The following TOP2A variants were observed in gnomAD, a reference collection of about 807,000 sequenced individuals.
The protein encoded by TOP2A is DNA topoisomerase 2-alpha.
Under a neutral mutation model 187.2 loss-of-function variants are expected in TOP2A, and 68 were observed. The observed-to-expected ratio is 0.36, with a 90% CI of 0.30 to 0.44. The LOEUF (loss-of-function observed/expected upper bound fraction) is 0.44, where lower values mean the gene tolerates loss of function less well. Among genes scored for constraint, TOP2A ranks in the 20% least tolerant of loss-of-function variants. The probability of loss-of-function intolerance (pLI) is 1.00; values close to 1 mark genes in which losing one functional copy is unlikely to be tolerated. For missense variants in TOP2A, 1,196 were observed against 1,808.7 expected (o/e 0.66, Z 6.14); for synonymous variants, 542 against 593.2 (o/e 0.91, Z 1.25).
intron 3 of TOP2A, 49 bp downstream of exon 3, chr17:40,416,373 C>T (rs1403296328): frequency 1.7e-6 from 2 of 1,210,502 alleles, no homozygotes; most frequent in East Asian, 2.5e-5. Flanking sequence ...TGGAATGATA[C>T]TTCTTATGAA....
Position 40,392,352 on chromosome 17 carries a change from A to C in TOP2A, c.3965-11T>G. 3.2e-6 allele frequency: 5 copies of C among 1,574,812 alleles called. No homozygotes were observed. The South Asian group carries it at 4.6e-5, about 15-fold the overall frequency. ...TGAATTTTGTTTTTGCTAGTAAAAA[A>C]ACCATATACAAAAAAATCAAAGAGG... is the stretch of plus-strand genomic sequence containing the variant. On this transcript the variant is annotated splice_polypyrimidine_tract_variant and intron_variant, in intron 30 of 34. Transcript: ENST00000423485.
In TOP2A at chr17:40,411,353, C is replaced by T. The variant is rs954094777; in HGVS notation, c.1065+1G>A. ...AAAAGAAAACTGCCAAAAGCACATA[C>T]CTGATGTGCTTTTACTGCAACACCA... On this transcript the variant is annotated splice_donor_variant, in intron 9 of 34. Coordinates refer to ENST00000423485, the MANE Select transcript of TOP2A (RefSeq NM_001067.4). LOFTEE classifies it high-confidence loss of function. This position sits in a 1 kb window ranked among gnomAD's most constrained non-coding sequence, Gnocchi z 4.4. The T allele has an allele frequency of 6.2e-7, 1 of 1,611,468 alleles. No individual in the cohort carries two copies. Among genetic ancestry groups the T allele is most frequent in the Non-Finnish European group, 8.5e-7 (1 of 1,177,800 alleles).
At chr17:40,395,795 C>T (rs975795334) in intron 28 of TOP2A, among the ~76,000 whole-genome samples, 2 of 151,424 alleles carry the variant, frequency 1.3e-5, no homozygotes, top group African/African-American at 2.4e-5. Flanking sequence ...GGCTGAGGCA[C>T]GAGAATCGCT....
chr17:40,413,355 A>C (rs1427309361), intron 5 of TOP2A, 63 bp from the exon 6 acceptor site: 3 of 1,438,264 alleles, frequency 2.1e-6, no homozygotes, highest in Non-Finnish European at 9.5e-7. Context: ...TTTATTTCTT[A>C]ATCACTGGCA....
chr17:40,409,558 A>G (rs1470718714), intron 10 of TOP2A: 1 of 407,148 alleles, frequency 2.5e-6, no homozygotes, highest in South Asian at 1.8e-5. Context: ...CAGGAGTTCA[A>G]GACCAGCCTG....
chr17:40,402,694 C>T (rs1035199929), intron 20 of TOP2A, among the ~76,000 whole-genome samples: 1 of 152,178 alleles, frequency 6.6e-6, no homozygotes, highest in Non-Finnish European at 1.5e-5. Flanking sequence ...GTCCCAAGCT[C>T]TACATCAGGA....
In TOP2A at chr17:40,406,372, A is replaced by G; in HGVS notation, c.1953+12T>C. 1 of 1,598,244 alleles carries G rather than the reference A, an allele frequency of 6.3e-7. No individual in the cohort carries two copies. Among genetic ancestry groups the G allele is most frequent in the Non-Finnish European group, 8.6e-7 (1 of 1,169,270 alleles). The stretch of plus-strand genomic sequence containing the variant: ...AAAATTAGAATGTATATAAAATACA[A>G]CTCAAACCTACCAGGCTGATAGCAG... On this transcript the variant is annotated intron_variant, in intron 16 of 34. Transcript: ENST00000423485.
Position 40,389,627 on chromosome 17 carries a change from A to C in TOP2A, c.4488T>G (p.Asp1496Glu), listed in dbSNP as rs375995857. The change falls in exon 35 of 35, where the codon GAT becomes GAG. Residue 1496 changes from aspartate to glutamate, a missense_variant. This residue lies in a region of TOP2A where 374 missense variants were observed against 403.3 expected (regional missense o/e 0.93). Coordinates refer to ENST00000423485, the MANE Select transcript of TOP2A (RefSeq NM_001067.4). ...CTGAGTCAAAGTCCATATGGAAGTC[A>C]TCACTCTCCCCCTTGGATTTCTAAA... is the stretch of plus-strand genomic sequence containing the variant. ...VTSKKSKGES[D>E]DFHMDFDSAV... The C allele has an allele frequency of 7.2e-5, 116 of 1,610,174 alleles. No individual in the cohort carries two copies. Among genetic ancestry groups the C allele is most frequent in the African/African-American group, 1.1e-4 (8 of 74,904 alleles).
At chr17:40,393,266 G>A (rs1681411120) in intron 29 of TOP2A, among the ~76,000 whole-genome samples, 1 of 152,052 alleles carries the variant, frequency 6.6e-6, no homozygotes, top group Non-Finnish European at 1.5e-5. Context: ...GGTCGAGGCT[G>A]CAGTGGGCTG....
Position 40,411,393 on chromosome 17 carries a change from C to T in TOP2A, c.1026G>A (p.Lys342=), listed in dbSNP as rs1452027930. The change falls in exon 9 of 35, where the codon AAG becomes AAA. Residue 342 remains lysine (K), a synonymous_variant. Transcript: ENST00000423485. This position sits in a 1 kb window ranked among gnomAD's most constrained non-coding sequence, Gnocchi z 4.4. ...QIVTKLVDVV[K]KKNKGGVAVK... is the part of the protein sequence containing the mutation. ...CTGCAACACCACCCTTGTTCTTCTT[C>T]TTCACAACATCAACAAGTTTAGTCA... 2 of 1,613,724 alleles carry T rather than the reference C, an allele frequency of 1.2e-6. No homozygotes were observed. Among genetic ancestry groups the T allele is most frequent in the African/African-American group, 2.7e-5 (2 of 74,910 alleles).
In TOP2A at chr17:40,399,888, A is replaced by G. The variant is rs1164303121; in HGVS notation, c.3180T>C (p.Asp1060=). 1 of 1,597,502 alleles carries G rather than the reference A, an allele frequency of 6.3e-7. No individual in the cohort carries two copies. ...NQARFILEKI[D]GKIIIENKPK... ...AAAACATACCAATGATTATTTTGCC[A>G]TCTATTTTCTCTAAGATAAAGCGAG... The change falls in exon 24 of 35, where the codon GAT becomes GAC. Residue 1060 remains aspartate, a synonymous_variant. Transcript: ENST00000423485.
At chr17:40,412,245 G>T (rs2035330181) in intron 7 of TOP2A, among the ~76,000 whole-genome samples, 1 of 152,174 alleles carries the variant, frequency 6.6e-6, no homozygotes, top group Admixed American at 6.5e-5. Flanking sequence ...TTTATTTTAG[G>T]TGTTTCTTTG....
Position 40,416,767 on chromosome 17 carries a change from G to A in TOP2A, c.150C>T (p.Tyr50=). ...GGGTCACTAATTCCACAGAACCAAT[G>A]TAGGTGTCTGGGCGGAGCAAAATAT... ...LEHILLRPDT[Y]IGSVELVTQQ... Residue 50 remains tyrosine (Y), a synonymous_variant, in exon 2 of 35, where the codon TAC becomes TAT. Coordinates refer to ENST00000423485, the MANE Select transcript of TOP2A (RefSeq NM_001067.4). 1 of 1,612,370 alleles carries A rather than the reference G, an allele frequency of 6.2e-7. No homozygotes were observed. The highest frequency in any genetic ancestry group is 8.5e-7 in the Non-Finnish European group (1 of 1,179,482).
Position 40,392,064 on chromosome 17 carries a change from A to G in TOP2A, c.4132+4T>C, listed in dbSNP as rs776266462. ...TGTCTCACTACTTTTACTTAAATAC[A>G]TACCTGACACGACACTTTTCTGTGG... On this transcript the variant is annotated splice_donor_region_variant and intron_variant, in intron 32 of 34. Transcript: ENST00000423485. 47 of 1,611,608 alleles carry G rather than the reference A, an allele frequency of 2.9e-5. No homozygotes were observed. The highest frequency in any genetic ancestry group is 3.9e-5 in the Non-Finnish European group (46 of 1,179,142).
intron 7 of TOP2A, 139 bp downstream of exon 7, chr17:40,412,620 G>T: frequency 1.4e-6 from 1 of 722,482 alleles, no homozygotes; most frequent in Non-Finnish European, 2.3e-6. Context: ...CTCCAGCCCG[G>T]GCAACAGTGT....
At chr17:40,403,132 TG>T in intron 19 of TOP2A, 78 bp from the exon 20 acceptor site, 1 of 1,328,484 alleles carries the variant, frequency 7.5e-7, no homozygotes, top group East Asian at 2.6e-5. Flanking sequence ...ACTATAATCC[TG>T]TAACATTTTG....
chr17:40,392,382 T>C, intron 30 of TOP2A, 41 bp from the exon 31 acceptor site: 2 of 1,556,690 alleles, frequency 1.3e-6, no homozygotes. Context: ...AAGAGGGTAG[T>C]AGGAGAAACA....
At chr17:40,395,762 G>T (rs1483897879) in intron 28 of TOP2A, among the ~76,000 whole-genome samples, 1 of 151,840 alleles carries the variant, frequency 6.6e-6, no homozygotes, top group African/African-American at 2.4e-5. Context: ...TGGGTGTGGT[G>T]ATGTGCCCCC....
rs2035315899 is a variant in TOP2A, at chr17:40,411,129, T to C, written c.1183A>G (p.Ser395Gly). ...CTCACAGCTTTGATAAATTTTTCAC[T>C]CAATTGGCATGTTGATCCAAAGCTC... ...PKSFGSTCQLSEKFIKAAIGC... is the reference protein window; with the variant it reads ...PKSFGSTCQLGEKFIKAAIGC... The change falls in exon 10 of 35, where the codon AGT (serine) becomes GGT (glycine). Residue 395 changes from serine to glycine, a missense_variant. This residue lies in a region of TOP2A where 252 missense variants were observed against 434.8 expected (regional missense o/e 0.58). Coordinates refer to ENST00000423485, the MANE Select transcript of TOP2A (RefSeq NM_001067.4). This position sits in a 1 kb window ranked among gnomAD's most constrained non-coding sequence, Gnocchi z 4.4. 1 of 1,606,026 alleles carries C rather than the reference T, an allele frequency of 6.2e-7. No individual in the cohort carries two copies. Among genetic ancestry groups the C allele is most frequent in the Admixed American group, 1.7e-5 (1 of 58,072 alleles).
Sources: gnomAD v4.1 joint callset for allele counts (sites outside exome capture counted in the v4.1 genomes callset) on GRCh38, gnomAD v4.1.1 for gene constraint, gnomAD v4.1.1 regional missense constraint, Gnocchi (gnomAD v3.1) non-coding constraint, MANE v1.5 for transcripts, NCBI Gene and HGNC (gene_info 2026-07-23, HGNC 2026-07-21) for gene names.